Variants in CADM2 observed in about 807,000 individuals in gnomAD.
CADM2 encodes cell adhesion molecule 2.
In CADM2, 12 loss-of-function variants were observed where a neutral mutation model predicts 49.8. The ratio of observed to expected loss-of-function variants is 0.24; its 90% CI spans 0.15 to 0.39. CADM2 has a LOEUF of 0.39. Among genes scored for constraint, CADM2 ranks in the 10% least tolerant of loss-of-function variants. The pLI, the probability that CADM2 is intolerant of heterozygous loss-of-function variation, is 1.00. For synonymous variants in CADM2, 214 were observed against 175.4 expected, an observed-to-expected ratio of 1.22 and a Z score of -1.74; for missense variants, 378 against 492.3, an observed-to-expected ratio of 0.77 and a Z score of 2.20.
At chr3:85,366,494 CTTG>C (rs1208814331) in intron 1 of CADM2, among the ~76,000 whole-genome samples, 2 of 152,016 alleles carry the variant, frequency 1.3e-5, no homozygotes, top group Non-Finnish European at 2.9e-5. Context: ...TTTTGTGAGG[CTTG>C]TTATTTGTGG....
intron 3 of CADM2, among the ~76,000 whole-genome samples, chr3:85,803,751 C>T (rs1005967461): frequency 5.3e-5 from 8 of 151,958 alleles, no homozygotes; most frequent in African/African-American, 1.9e-4. Context: ...TGTCTCCTGT[C>T]CACATTATGG....
Position 86,070,168 on chromosome 3 carries a change from G to T in CADM2, c.*3385G>T, listed in dbSNP as rs1017424810. On this transcript the variant is annotated 3_prime_UTR_variant, in exon 10 of 10. Coordinates refer to ENST00000383699, the MANE Select transcript of CADM2 (RefSeq NM_001167675.2). ...CTCCACAATTAAAATAACAAATAGA[G>T]AAAGAAAACTAACTTTCCTAAATAT... The T allele has an allele frequency of 2.0e-5, 3 of 151,858 alleles. No homozygotes were observed. The highest frequency in any genetic ancestry group is 7.2e-5 in the African/African-American group (3 of 41,390). 9.4% of individuals were successfully genotyped at this position (151,858 alleles called of 1,614,324 possible).
intron 1 of CADM2, among the ~76,000 whole-genome samples, chr3:85,495,432 G>A (rs2039847010): frequency 6.6e-6 from 1 of 152,170 alleles, no homozygotes; most frequent in Middle Eastern, 3.4e-3. Context: ...AGCTAAAACT[G>A]CAATGTGAGG....
At chr3:86,013,247 T>A in intron 8 of CADM2, 1 of 1,467,354 alleles carries the variant, frequency 6.8e-7, no homozygotes, top group Admixed American at 1.8e-5. Flanking sequence ...ACAATAGCAA[T>A]GCTCAGAACC....
intron 1 of CADM2, among the ~76,000 whole-genome samples, chr3:85,541,811 A>G (rs982478551): frequency 6.9e-6 from 1 of 144,836 alleles, no homozygotes; most frequent in East Asian, 2.0e-4. Flanking sequence ...TGTTTATGTC[A>G]GAGACTGGCA....
At chr3:85,414,255 T>G (rs2035810565) in intron 1 of CADM2, among the ~76,000 whole-genome samples, 2 of 152,238 alleles carry the variant, frequency 1.3e-5, no homozygotes, top group South Asian at 4.1e-4. Flanking sequence ...ATTCCTCAGT[T>G]AATTAACAAA....
chr3:85,098,257 A>G (rs922465259), intron 1 of CADM2, among the ~76,000 whole-genome samples: 11 of 46,254 alleles, frequency 2.4e-4, no homozygotes, highest in African/African-American at 4.7e-4. Context: ...ATTATCGTAG[A>G]AAAAAAAAAA....
chr3:85,427,880 A>G (rs1427216386), intron 1 of CADM2, among the ~76,000 whole-genome samples: 12 of 152,118 alleles, frequency 7.9e-5, no homozygotes, highest in Non-Finnish European at 1.5e-4. Flanking sequence ...TACGTGAAAC[A>G]TGGAAACCTT....
At chr3:85,775,750 C>G (rs1017970270) in intron 2 of CADM2, among the ~76,000 whole-genome samples, 4 of 151,778 alleles carry the variant, frequency 2.6e-5, no homozygotes, top group African/African-American at 9.7e-5. Flanking sequence ...ATACAATAAA[C>G]TTACTGATAT....
chr3:85,690,953 G>T (rs1027503448), intron 1 of CADM2, among the ~76,000 whole-genome samples: 1 of 152,048 alleles, frequency 6.6e-6, no homozygotes, highest in Non-Finnish European at 1.5e-5. Flanking sequence ...TAGCTATTTT[G>T]CCATATGCAA....
intron 3 of CADM2, among the ~76,000 whole-genome samples, chr3:85,826,586 A>C (rs1243743963): frequency 6.6e-6 from 1 of 151,978 alleles, no homozygotes; most frequent in Non-Finnish European, 1.5e-5. Flanking sequence ...AGATGAAAAG[A>C]TTCCCCCTAC....
intron 3 of CADM2, among the ~76,000 whole-genome samples, chr3:85,874,503 G>T (rs1482355507): frequency 6.6e-6 from 1 of 151,938 alleles, no homozygotes; most frequent in Non-Finnish European, 1.5e-5. Flanking sequence ...ATACCACATG[G>T]CTACATATGG....
chr3:85,795,392 A>C (rs926843973), intron 2 of CADM2, among the ~76,000 whole-genome samples: 1 of 152,120 alleles, frequency 6.6e-6, no homozygotes, highest in East Asian at 1.9e-4. Flanking sequence ...CACATATCCC[A>C]AGGGCATTTA....
At chr3:85,702,051 C>G (rs1202302893) in intron 1 of CADM2, among the ~76,000 whole-genome samples, 1 of 151,964 alleles carries the variant, frequency 6.6e-6, no homozygotes, top group Non-Finnish European at 1.5e-5. Context: ...AATCTTATCT[C>G]TAATTTAGTA....
At chr3:84,982,745 T>C (rs1397863877) in intron 1 of CADM2, among the ~76,000 whole-genome samples, 2 of 95,500 alleles carry the variant, frequency 2.1e-5, no homozygotes, top group Non-Finnish European at 4.4e-5. Context: ...ACATTTTTTG[T>C]TTTTTTAATT....
chr3:85,914,044 T>C (rs1717965078), intron 6 of CADM2, among the ~76,000 whole-genome samples: 2 of 152,178 alleles, frequency 1.3e-5, no homozygotes, highest in Non-Finnish European at 2.9e-5. Flanking sequence ...TGATTACTTT[T>C]TATATGGAAA....
chr3:84,991,126 T>C (rs956087592), intron 1 of CADM2, among the ~76,000 whole-genome samples: 1 of 152,252 alleles, frequency 6.6e-6, no homozygotes, highest in East Asian at 1.9e-4. Context: ...TTTGTACTTA[T>C]GCATCTGTAC....
chr3:85,169,602 T>G (rs971192876), intron 1 of CADM2, among the ~76,000 whole-genome samples: 1 of 151,820 alleles, frequency 6.6e-6, no homozygotes, highest in Non-Finnish European at 1.5e-5. Context: ...TGAAATCCTA[T>G]CTCTACTAAA....
intron 1 of CADM2, among the ~76,000 whole-genome samples, chr3:85,639,988 T>G (rs1346505458): frequency 6.6e-6 from 1 of 152,190 alleles, no homozygotes; most frequent in Non-Finnish European, 1.5e-5. Context: ...TCAGTTTTAT[T>G]TATTACCATT....
Sources: allele counts gnomAD v4.1 joint callset (sites outside exome capture counted in the v4.1 genomes callset), GRCh38; gene constraint gnomAD v4.1.1; transcripts MANE v1.5; gene names NCBI Gene and HGNC (gene_info 2026-07-23, HGNC 2026-07-21).